The following SLC6A6 variants were observed in gnomAD, a reference collection of about 807,000 sequenced individuals.
SLC6A6 encodes the protein solute carrier family 6 member 6.
A neutral mutation model predicts 68.8 loss-of-function variants in SLC6A6; 16 were observed. The observed-to-expected ratio is 0.23, with a 90% CI of 0.16 to 0.35. The LOEUF (loss-of-function observed/expected upper bound fraction) is 0.35. Among genes scored for constraint, SLC6A6 ranks in the 10% least tolerant of loss-of-function variants. The probability of loss-of-function intolerance (pLI) is 1.00; values close to 1 mark genes in which losing one functional copy is unlikely to be tolerated. For missense variants in SLC6A6, 474 were observed against 802.8 expected, an observed-to-expected ratio of 0.59 and a Z score of 4.95; for synonymous variants, 312 against 315.4, an observed-to-expected ratio of 0.99 and a Z score of 0.12.
chr3:14,421,408 C>T (rs1159172032), intron 2 of SLC6A6, among the ~76,000 whole-genome samples: 11 of 152,328 alleles, frequency 7.2e-5, no homozygotes, highest in Non-Finnish European at 1.6e-4. Context: ...CGTTTAACCT[C>T]GCTGTGGGCT....
At chr3:14,462,349 A>G (rs1317433828) in intron 6 of SLC6A6, among the ~76,000 whole-genome samples, 1 of 152,212 alleles carries the variant, frequency 6.6e-6, no homozygotes, top group Non-Finnish European at 1.5e-5. Flanking sequence ...AGACTGAGCC[A>G]CAGTAGGATC....
chr3:14,403,123 TGG>T (rs1553564925), intron 1 of SLC6A6, among the ~76,000 whole-genome samples: 1 of 126,746 alleles, frequency 7.9e-6, no homozygotes, highest in Non-Finnish European at 1.7e-5. Flanking sequence ...TGTGTGTGTG[TGG>T]CATATCTGTG....
chr3:14,476,482 G>T (rs984263875), intron 10 of SLC6A6, among the ~76,000 whole-genome samples: 2 of 152,206 alleles, frequency 1.3e-5, no homozygotes, highest in Non-Finnish European at 2.9e-5. Context: ...TCCTTTGGGA[G>T]CCCAGGAAGG....
At chr3:14,424,920 CACA>C (rs1699559711) in intron 2 of SLC6A6, among the ~76,000 whole-genome samples, 1 of 152,192 alleles carries the variant, frequency 6.6e-6, no homozygotes, top group Non-Finnish European at 1.5e-5. Flanking sequence ...GCCTGTTTGA[CACA>C]CAACACCGGC....
At chr3:14,473,659 A>G (rs1279597642) in intron 10 of SLC6A6, among the ~76,000 whole-genome samples, 1 of 152,154 alleles carries the variant, frequency 6.6e-6, no homozygotes. Context: ...AGAAGACAGA[A>G]CGAAAACATC....
chr3:14,427,791 C>T (rs1699634684), intron 2 of SLC6A6, among the ~76,000 whole-genome samples: 1 of 152,186 alleles, frequency 6.6e-6, no homozygotes, highest in East Asian at 1.9e-4. Flanking sequence ...CCTGCTCTTC[C>T]CTCCTGTGGG....
At chr3:14,465,563 G>A (rs1296959062) in intron 6 of SLC6A6, among the ~76,000 whole-genome samples, 1 of 152,152 alleles carries the variant, frequency 6.6e-6, no homozygotes, top group African/African-American at 2.4e-5. Flanking sequence ...CCTTGTTGAG[G>A]GGCTTCTATT....
intron 5 of SLC6A6, 59 bp downstream of exon 5, chr3:14,447,875 A>T: frequency 6.3e-7 from 1 of 1,593,890 alleles, no homozygotes; most frequent in Non-Finnish European, 8.5e-7. Flanking sequence ...AGGATGGCCC[A>T]CTTCCTTATC....
At chr3:14,479,208 T>A (rs759297243) in intron 13 of SLC6A6, 23 bp downstream of exon 13, 2 of 1,438,776 alleles carry the variant, frequency 1.4e-6, no homozygotes, top group South Asian at 1.1e-5. Context: ...TCTGTGGCTC[T>A]GGCTGGTGGC....
intron 2 of SLC6A6, among the ~76,000 whole-genome samples, chr3:14,441,465 G>A (rs746106292): frequency 6.6e-6 from 1 of 152,162 alleles, no homozygotes. Context: ...GAAAGGCGGC[G>A]CGGATGCTCT....
chr3:14,419,065 C>G (rs1189868318), intron 2 of SLC6A6, among the ~76,000 whole-genome samples: 1 of 152,220 alleles, frequency 6.6e-6, no homozygotes, highest in East Asian at 1.9e-4. Flanking sequence ...AGGGGCCCTG[C>G]CTGGGATGGG....
At chr3:14,440,690 C>T (rs1205484557) in intron 2 of SLC6A6, among the ~76,000 whole-genome samples, 3 of 152,134 alleles carry the variant, frequency 2.0e-5, no homozygotes, top group African/African-American at 7.2e-5. Flanking sequence ...GCTGAGGGGC[C>T]TGTAGCTCGT....
chr3:14,420,775 C>T (rs552453543), intron 2 of SLC6A6, among the ~76,000 whole-genome samples: 58 of 152,286 alleles, frequency 3.8e-4, no homozygotes, highest in African/African-American at 1.3e-3. Flanking sequence ...TGAGCCACCG[C>T]GCCCAGCCTC....
intron 7 of SLC6A6, among the ~76,000 whole-genome samples, chr3:14,466,993 G>A (rs1700635639): frequency 6.6e-6 from 1 of 152,220 alleles, no homozygotes; most frequent in Non-Finnish European, 1.5e-5. Context: ...GCAGCCACAA[G>A]GGCTGCTGCA....
chr3:14,453,205 C>T (rs535945297), intron 5 of SLC6A6, among the ~76,000 whole-genome samples: 2 of 152,350 alleles, frequency 1.3e-5, no homozygotes, highest in Non-Finnish European at 2.9e-5. Context: ...GACGTATTTA[C>T]ATCTCTGAGT....
At chr3:14,458,726 C>T (rs1251536980) in intron 6 of SLC6A6, among the ~76,000 whole-genome samples, 3 of 152,184 alleles carry the variant, frequency 2.0e-5, no homozygotes, top group Non-Finnish European at 2.9e-5. Flanking sequence ...ACATTTCAGC[C>T]GGCACCTCCA....
chr3:14,447,380 C>T (rs190418812), intron 4 of SLC6A6, among the ~76,000 whole-genome samples: 31 of 152,338 alleles, frequency 2.0e-4, no homozygotes, highest in Admixed American at 1.4e-3. Flanking sequence ...CCCTGCCATC[C>T]ATCCCATTTA....
chr3:14,450,902 TA>T lies in SLC6A6; in HGVS notation c.599+3087del, dbSNP rs1559301955. On this transcript the variant is annotated intron_variant, in intron 5 of 14. Coordinates refer to ENST00000622186, the MANE Select transcript of SLC6A6 (RefSeq NM_003043.6). The surrounding 1 kb of genome is among the most constrained non-coding windows in gnomAD (Gnocchi z 4.1). ...CCTGTCATTTCTTTCAGTCTCTAAG[TA>T]GAGGAAATAGCTAGGCATCATCCAA... Among the ~76,000 whole-genome samples the T allele has an allele frequency of 7.0e-6, 1 of 143,830 alleles. No individual in the cohort carries two copies. Among genetic ancestry groups the T allele is most frequent in the Admixed American group, 6.8e-5 (1 of 14,686 alleles). The allele number at this position is 143,830 out of a possible 152,430, so 94.4% of individuals were successfully genotyped here. A position where few individuals can be genotyped will look rare whatever the true frequency, so the allele number is the denominator to read the frequency against.
intron 6 of SLC6A6, among the ~76,000 whole-genome samples, chr3:14,461,900 G>C (rs907165260): frequency 2.6e-5 from 4 of 152,122 alleles, no homozygotes; most frequent in Non-Finnish European, 4.4e-5. Context: ...CTGCTGCCCA[G>C]ACACTTACCT....
Sources: allele counts gnomAD v4.1 joint callset (sites outside exome capture counted in the v4.1 genomes callset), GRCh38; gene constraint gnomAD v4.1.1; non-coding constraint Gnocchi (gnomAD v3.1); transcripts MANE v1.5; gene names NCBI Gene and HGNC (gene_info 2026-07-23, HGNC 2026-07-21).